Variants in AGBL4 observed in about 807,000 individuals in gnomAD.
AGBL4 encodes the protein cytosolic carboxypeptidase 6.
In AGBL4, 58 loss-of-function variants were observed where a neutral mutation model predicts 66.4. The ratio of observed to expected loss-of-function variants is 0.87; its 90% CI spans 0.71 to 1.09. The LOEUF (loss-of-function observed/expected upper bound fraction) is 1.09, where lower values mean the gene tolerates loss of function less well. Ranked by LOEUF, AGBL4 falls within the 50% of genes least tolerant of loss-of-function variation. The pLI is 0.00. For synonymous variants in AGBL4, 234 were observed against 222.9 expected (o/e 1.05, Z -0.44); for missense variants, 579 against 631.0 (o/e 0.92, Z 0.88).
At chr1:48,566,938 G>C (rs1008715965) in intron 11 of AGBL4, among the ~76,000 whole-genome samples, 1 of 152,168 alleles carries the variant, frequency 6.6e-6, no homozygotes, top group Non-Finnish European at 1.5e-5. Context: ...AGACCAGCCT[G>C]AGCAACATGG....
At chr1:48,648,806 T>A (rs1645880103) in intron 8 of AGBL4, among the ~76,000 whole-genome samples, 1 of 152,224 alleles carries the variant, frequency 6.6e-6, no homozygotes, top group African/African-American at 2.4e-5. Context: ...ATCCAGTTTG[T>A]TAAATTATAA....
chr1:49,742,948 C>A (rs1248736600), intron 2 of AGBL4, among the ~76,000 whole-genome samples: 3 of 152,040 alleles, frequency 2.0e-5, no homozygotes, highest in South Asian at 4.2e-4. Flanking sequence ...CATAAAAACC[C>A]TAGAAAAAAA....
chr1:48,689,403 A>ACCTACCTT (rs1557880384), intron 6 of AGBL4, among the ~76,000 whole-genome samples: 1 of 143,502 alleles, frequency 7.0e-6, no homozygotes, highest in African/African-American at 2.7e-5. Flanking sequence ...CTACCTACCT[A>ACCTACCTT]CCTTCCTTCC....
chr1:49,777,289 T>A (rs1357610808), intron 2 of AGBL4, among the ~76,000 whole-genome samples: 1 of 152,158 alleles, frequency 6.6e-6, no homozygotes, highest in Admixed American at 6.5e-5. Flanking sequence ...TATAACACTG[T>A]TTAAATTCCT....
chr1:49,599,149 T>G (rs966035375), intron 3 of AGBL4, among the ~76,000 whole-genome samples: 1 of 152,234 alleles, frequency 6.6e-6, no homozygotes, highest in Non-Finnish European at 1.5e-5. Flanking sequence ...CCTCTTGTTC[T>G]ATTGTTTCAA....
intron 3 of AGBL4, among the ~76,000 whole-genome samples, chr1:49,566,745 A>G (rs1312805407): frequency 6.6e-6 from 1 of 151,790 alleles, no homozygotes; most frequent in African/African-American, 2.4e-5. Context: ...CTCGGGGGTT[A>G]GGGACCCCTT....
intron 2 of AGBL4, among the ~76,000 whole-genome samples, chr1:49,798,822 A>G (rs1159000588): frequency 6.6e-6 from 1 of 152,150 alleles, no homozygotes; most frequent in Admixed American, 6.5e-5. Flanking sequence ...TTTTATTTAA[A>G]ATATTTTCAG....
intron 4 of AGBL4, among the ~76,000 whole-genome samples, chr1:49,155,362 T>C (rs1380657279): frequency 6.6e-6 from 1 of 152,182 alleles, no homozygotes; most frequent in Non-Finnish European, 1.5e-5. Flanking sequence ...ATAGGTAAGA[T>C]ATATTGAGCA....
At chr1:49,548,183 C>T (rs1197980516) in intron 3 of AGBL4, among the ~76,000 whole-genome samples, 1 of 152,166 alleles carries the variant, frequency 6.6e-6, no homozygotes, top group Non-Finnish European at 1.5e-5. Flanking sequence ...ATTCTTTTAT[C>T]GGTTCCAGGA....
At chr1:49,873,616 A>C (rs1197024764) in intron 1 of AGBL4, among the ~76,000 whole-genome samples, 1 of 152,050 alleles carries the variant, frequency 6.6e-6, no homozygotes, top group Non-Finnish European at 1.5e-5. Context: ...ACAAAAACAT[A>C]ATTGACTATT....
chr1:49,127,088 A>T (rs1645780630), intron 4 of AGBL4, among the ~76,000 whole-genome samples: 1 of 152,214 alleles, frequency 6.6e-6, no homozygotes, highest in Non-Finnish European at 1.5e-5. Flanking sequence ...TATATAAAAC[A>T]TTTTATTTCA....
At chr1:48,877,845 C>T (rs909138936) in intron 5 of AGBL4, among the ~76,000 whole-genome samples, 8 of 152,188 alleles carry the variant, frequency 5.3e-5, no homozygotes, top group Admixed American at 3.9e-4. Context: ...GAATAAGATG[C>T]CCCAGCTCTG....
intron 4 of AGBL4, among the ~76,000 whole-genome samples, chr1:49,164,261 GAC>G (rs1646592407): frequency 6.6e-6 from 1 of 152,026 alleles, no homozygotes; most frequent in Non-Finnish European, 1.5e-5. Context: ...TGGGGTCAGA[GAC>G]ACACTTATAG....
chr1:49,323,094 C>T (rs539678303), intron 3 of AGBL4, among the ~76,000 whole-genome samples: 1 of 152,254 alleles, frequency 6.6e-6, no homozygotes, highest in East Asian at 1.9e-4. Context: ...GCTTAAAACC[C>T]TGACAAGAGA....
chr1:49,093,413 C>T (rs1260908261), intron 4 of AGBL4, among the ~76,000 whole-genome samples: 2 of 152,118 alleles, frequency 1.3e-5, no homozygotes, highest in Non-Finnish European at 2.9e-5. Flanking sequence ...CATTGTAGAC[C>T]TACCATGTAC....
chr1:48,989,256 G>GTA (rs1660422404), intron 5 of AGBL4, among the ~76,000 whole-genome samples: 1 of 151,936 alleles, frequency 6.6e-6, no homozygotes. Context: ...TACATAGTAG[G>GTA]TATATATATT....
intron 1 of AGBL4, among the ~76,000 whole-genome samples, chr1:49,996,983 T>C (rs1660412566): frequency 6.6e-6 from 1 of 152,010 alleles, no homozygotes; most frequent in African/African-American, 2.4e-5. Flanking sequence ...ATGAAGGAGA[T>C]AGTCTTTTTA....
In AGBL4 at chr1:49,564,223, G is replaced by A. The variant is rs528058851; in HGVS notation, c.282+133090C>T. ...CTTTTCTTTATTAGTCTTGCTAGCA[G>A]TCTATCAATTTTGTTGATCTTTTCA... On this transcript the variant is annotated intron_variant, in intron 3 of 13. Coordinates refer to ENST00000371839, the MANE Select transcript of AGBL4 (RefSeq NM_032785.4). Among the ~76,000 whole-genome samples, 3 of 152,206 alleles carry A rather than the reference G, an allele frequency of 2.0e-5. No homozygotes were observed. The East Asian group carries it at 5.8e-4, about 29-fold the overall frequency.
intron 1 of AGBL4, among the ~76,000 whole-genome samples, chr1:49,963,187 C>A (rs1657261297): frequency 6.6e-6 from 1 of 152,124 alleles, no homozygotes; most frequent in South Asian, 2.1e-4. Flanking sequence ...GCAACACTTA[C>A]AAAGAAAATG....
Sources: allele counts gnomAD v4.1 joint callset (sites outside exome capture counted in the v4.1 genomes callset), GRCh38; gene constraint gnomAD v4.1.1; transcripts MANE v1.5; gene names NCBI Gene and HGNC (gene_info 2026-07-23, HGNC 2026-07-21).